NCEH1: variants seen among roughly 807,000 people sequenced by gnomAD.
NCEH1 encodes neutral cholesterol ester hydrolase 1, also known as 2-acetyl MAGE hydrolase.
Under a neutral mutation model 25.4 loss-of-function variants are expected in NCEH1, and 9 were observed. That is an observed-to-expected ratio of 0.35 (90% CI 0.21 to 0.62). The LOEUF (loss-of-function observed/expected upper bound fraction) is 0.62. Among genes scored for constraint, NCEH1 ranks in the 20% least tolerant of loss-of-function variants. NCEH1 has a pLI of 0.72. For synonymous variants in NCEH1, 200 were observed against 199.8 expected (o/e 1.00, Z -0.01); for missense variants, 412 against 501.1 (o/e 0.82, Z 1.70).
chr3:172,703,578 A>T (rs925529931), intron 1 of NCEH1, among the ~76,000 whole-genome samples: 1 of 151,594 alleles, frequency 6.6e-6, no homozygotes, highest in Non-Finnish European at 1.5e-5. Flanking sequence ...ATGCTATTTT[A>T]AAAGAAGCAA....
chr3:172,632,796 G>C lies in NCEH1; in HGVS notation c.*679C>G, dbSNP rs942599673. The C allele has an allele frequency of 1.3e-5, 2 of 152,660 alleles. No individual in the cohort carries two copies. Among genetic ancestry groups the C allele is most frequent in the Non-Finnish European group, 2.9e-5 (2 of 68,040 alleles). 9.5% of individuals were successfully genotyped at this position (152,660 alleles called of 1,614,324 possible). A position where few individuals can be genotyped will look rare whatever the true frequency, so the allele number is the denominator to read the frequency against. On this transcript the variant is annotated 3_prime_UTR_variant, in exon 5 of 5. Coordinates refer to ENST00000475381, the MANE Select transcript of NCEH1 (RefSeq NM_020792.6). ...ACCTAATGATATATAGATATCCAGTGCATGCGACTTCATATTTTCTAATAG... is the reference window on the plus strand; with the variant it reads ...ACCTAATGATATATAGATATCCAGTCCATGCGACTTCATATTTTCTAATAG...
intron 3 of NCEH1, among the ~76,000 whole-genome samples, chr3:172,637,751 C>T (rs150257518): frequency 8.3e-4 from 126 of 152,238 alleles, no homozygotes; most frequent in Middle Eastern, 3.4e-3. Context: ...TAGCCAGGCA[C>T]GGTCGTGGGC....
chr3:172,702,183 T>A (rs970207767), intron 1 of NCEH1, among the ~76,000 whole-genome samples: 1 of 151,818 alleles, frequency 6.6e-6, no homozygotes, highest in Non-Finnish European at 1.5e-5. Context: ...CACTTTTCTT[T>A]GCATTTCGGT....
At chr3:172,671,078 G>A (rs1242113066) in intron 1 of NCEH1, among the ~76,000 whole-genome samples, 1 of 151,872 alleles carries the variant, frequency 6.6e-6, no homozygotes, top group Non-Finnish European at 1.5e-5. Flanking sequence ...GTGGCAACAT[G>A]ATCAGACAAG....
At chr3:172,693,217 C>T (rs897531580) in intron 1 of NCEH1, among the ~76,000 whole-genome samples, 5 of 152,036 alleles carry the variant, frequency 3.3e-5, no homozygotes, top group South Asian at 2.1e-4. Flanking sequence ...AATATGCTGG[C>T]GCTTTAAAAA....
chr3:172,659,967 G>A (rs1400783476), intron 1 of NCEH1, among the ~76,000 whole-genome samples: 1 of 151,740 alleles, frequency 6.6e-6, no homozygotes, highest in African/African-American at 2.4e-5. Flanking sequence ...TTTAATAAAA[G>A]CAACCCCTGA....
At chr3:172,682,991 A>G (rs978140049) in intron 1 of NCEH1, among the ~76,000 whole-genome samples, 1 of 152,250 alleles carries the variant, frequency 6.6e-6, no homozygotes, top group African/African-American at 2.4e-5. Flanking sequence ...TAAGAAGTAG[A>G]AAGGATTTAA....
At chr3:172,709,760 C>A (rs980430914) in intron 1 of NCEH1, among the ~76,000 whole-genome samples, 2 of 152,188 alleles carry the variant, frequency 1.3e-5, no homozygotes, top group Non-Finnish European at 2.9e-5. Flanking sequence ...TTTTTAAAAT[C>A]AGCTTTCTCA....
At chr3:172,680,503 G>A (rs1326902624) in intron 1 of NCEH1, among the ~76,000 whole-genome samples, 1 of 152,170 alleles carries the variant, frequency 6.6e-6, no homozygotes, top group Non-Finnish European at 1.5e-5. Flanking sequence ...GCTGAGGACA[G>A]ACACCAGGTT....
Position 172,635,900 on chromosome 3 carries a change from A to C in NCEH1, c.609+16T>G. 6.2e-7 allele frequency: 1 copy of C among 1,613,394 alleles called. No homozygotes were observed. The highest frequency in any genetic ancestry group is 1.1e-5 in the South Asian group (1 of 90,986). ...GCACCGCTTAACCCACCAGCACCTT[A>C]GGACAGTGGTGTTACCTGTTGTCCA... is the stretch of plus-strand genomic sequence containing the variant. On this transcript the variant is annotated intron_variant, in intron 4 of 4. Coordinates refer to ENST00000475381, the MANE Select transcript of NCEH1 (RefSeq NM_020792.6).
intron 1 of NCEH1, among the ~76,000 whole-genome samples, chr3:172,650,599 A>G (rs1717349226): frequency 6.6e-6 from 1 of 150,948 alleles, no homozygotes; most frequent in Non-Finnish European, 1.5e-5. Context: ...CAGTGAGCTG[A>G]GACTACGCCA....
chr3:172,703,323 G>C (rs919624325), intron 1 of NCEH1: 1 of 151,986 alleles, frequency 6.6e-6, no homozygotes, highest in Non-Finnish European at 1.5e-5. Context: ...TCAGGAGTTT[G>C]AGACCAGCCT....
chr3:172,653,736 T>TTTTTTTTG (rs1439159615), intron 1 of NCEH1, among the ~76,000 whole-genome samples: 2 of 36,580 alleles, frequency 5.5e-5, no homozygotes, highest in Non-Finnish European at 1.1e-4. Flanking sequence ...TGTTGTTCTG[T>TTTTTTTTG]TTTTTTTGTT....
At chr3:172,663,360 TGAG>T (rs1458579755) in intron 1 of NCEH1, among the ~76,000 whole-genome samples, 1 of 152,236 alleles carries the variant, frequency 6.6e-6, no homozygotes, top group Non-Finnish European at 1.5e-5. Flanking sequence ...TTACATTTGC[TGAG>T]GAGAGCTTTA....
chr3:172,677,009 C>G (rs1018008716), intron 1 of NCEH1, among the ~76,000 whole-genome samples: 11 of 152,130 alleles, frequency 7.2e-5, no homozygotes, highest in African/African-American at 2.7e-4. Context: ...CTGAGGCTAC[C>G]CAAGCTGCTA....
chr3:172,653,028 C>A (rs1259412373), intron 1 of NCEH1, among the ~76,000 whole-genome samples: 2 of 152,086 alleles, frequency 1.3e-5, no homozygotes, highest in African/African-American at 4.8e-5. Context: ...TTAGAAGGAG[C>A]TGGGAAACTC....
intron 1 of NCEH1, among the ~76,000 whole-genome samples, chr3:172,675,768 A>G (rs958101079): frequency 6.6e-6 from 1 of 152,202 alleles, no homozygotes; most frequent in Non-Finnish European, 1.5e-5. Flanking sequence ...GTTTCTGGTA[A>G]TGTACAGCGA....
At chr3:172,634,589 T>C (rs980091791) in intron 4 of NCEH1, among the ~76,000 whole-genome samples, 1 of 152,104 alleles carries the variant, frequency 6.6e-6, no homozygotes, top group Non-Finnish European at 1.5e-5. Context: ...TCACGCTTGG[T>C]GAGACAGAAT....
rs768432542 is a variant in NCEH1 at position 172,635,902 on chromosome 3, G to A, written c.609+14C>T. ...ACCGCTTAACCCACCAGCACCTTAG[G>A]ACAGTGGTGTTACCTGTTGTCCAAG... On this transcript the variant is annotated intron_variant, in intron 4 of 4. Coordinates refer to ENST00000475381, the MANE Select transcript of NCEH1 (RefSeq NM_020792.6). The A allele has an allele frequency of 1.9e-5, 31 of 1,613,546 alleles. No individual in the cohort carries two copies. The Middle Eastern group carries it at 8.2e-4, about 43-fold the overall frequency.
Sources: allele counts gnomAD v4.1 joint callset (sites outside exome capture counted in the v4.1 genomes callset), GRCh38; gene constraint gnomAD v4.1.1; transcripts MANE v1.5; gene names NCBI Gene and HGNC (gene_info 2026-07-23, HGNC 2026-07-21).